The following SAMD5 variants were observed in gnomAD, a reference collection of about 807,000 sequenced individuals.
SAMD5 encodes the protein sterile alpha motif domain containing 5, also known as sterile alpha motif domain-containing protein 5.
SAMD5 carries 13 observed loss-of-function variants against 11.3 expected under a neutral mutation model. The ratio of observed to expected loss-of-function variants is 1.15; its 90% CI spans 0.75 to 1.83. The LOEUF (loss-of-function observed/expected upper bound fraction) is 1.83. Ranked by LOEUF, SAMD5 falls within the 40% of genes most tolerant of loss-of-function variation. SAMD5 has a pLI of 0.00. For missense variants in SAMD5, 255 were observed against 239.1 expected, an observed-to-expected ratio of 1.07 and a Z score of -0.44; for synonymous variants, 129 against 111.3, an observed-to-expected ratio of 1.16 and a Z score of -1.00.
Position 147,569,454 on chromosome 6 carries a change from G to T in SAMD5, c.*4998G>T, listed in dbSNP as rs996575382. The T allele has an allele frequency of 1.1e-6, 1 of 926,842 alleles. No individual in the cohort carries two copies. Among genetic ancestry groups the T allele is most frequent in the Non-Finnish European group, 1.3e-6 (1 of 776,882 alleles). 57.4% of individuals were successfully genotyped at this position (926,842 alleles called of 1,614,324 possible). On this transcript the variant is annotated 3_prime_UTR_variant, in exon 2 of 2. Transcript: ENST00000367474. ...CAAAATTTCTTCTACTGGACCAAAA[G>T]GAAATAAATCTACAATAAATCTACT...
At chr6:147,535,221 C>T (rs1454128988) in intron 1 of SAMD5, among the ~76,000 whole-genome samples, 4 of 152,156 alleles carry the variant, frequency 2.6e-5, no homozygotes, top group Non-Finnish European at 4.4e-5. Context: ...AGCGTGTAAC[C>T]GCTTTGTAAT....
chr6:147,672,881 C>A (rs988964866), intron 1 of SAMD5, among the ~76,000 whole-genome samples: 6 of 151,934 alleles, frequency 3.9e-5, no homozygotes, highest in Middle Eastern at 3.4e-3. Flanking sequence ...TATTTTAAAC[C>A]AAAAGCCACT....
At chr6:147,946,498 C>T in the SAMD5 span, among the ~76,000 whole-genome samples, 25 of 152,168 alleles carry the variant, frequency 1.6e-4, no homozygotes, top group Non-Finnish European at 3.2e-4. Context: ...TTCCTAGTCA[C>T]TTCCAGCTGT....
intron 1 of SAMD5, among the ~76,000 whole-genome samples, chr6:147,563,770 G>T (rs1267401652): frequency 3.3e-5 from 5 of 152,192 alleles, no homozygotes; most frequent in Non-Finnish European, 7.4e-5. Context: ...ATTCGACTAG[G>T]TTGCTGCTTT....
At chr6:147,794,878 C>T in the SAMD5 span, among the ~76,000 whole-genome samples, 31 of 151,424 alleles carry the variant, frequency 2.0e-4, no homozygotes, top group Non-Finnish European at 3.8e-4. Flanking sequence ...AAAGCTTTGA[C>T]GGCGGTGAAG....
the SAMD5 span, among the ~76,000 whole-genome samples, chr6:147,829,182 G>C: frequency 6.6e-6 from 1 of 152,180 alleles, no homozygotes; most frequent in Non-Finnish European, 1.5e-5. Flanking sequence ...ATTATTCTCA[G>C]CGTTCGAATA....
chr6:147,551,901 T>C (rs534090559), intron 1 of SAMD5, among the ~76,000 whole-genome samples: 1,914 of 129,040 alleles, frequency 0.015, 19 homozygotes, highest in Non-Finnish European at 0.023. Flanking sequence ...GAAAAACCAG[T>C]GTTTGGGTTT....
chr6:147,936,081 A>G, the SAMD5 span, among the ~76,000 whole-genome samples: 1 of 152,168 alleles, frequency 6.6e-6, no homozygotes, highest in African/African-American at 2.4e-5. Context: ...TTCAAGAGAG[A>G]GTAAAGTCAC....
chr6:147,754,567 G>A, the SAMD5 span, among the ~76,000 whole-genome samples: 2 of 151,868 alleles, frequency 1.3e-5, no homozygotes, highest in Non-Finnish European at 2.9e-5. Context: ...TGAACTTGAT[G>A]GGATCTTATT....
At chr6:147,743,853 AT>A in the SAMD5 span, among the ~76,000 whole-genome samples, 1 of 152,206 alleles carries the variant, frequency 6.6e-6, no homozygotes, top group Non-Finnish European at 1.5e-5. Flanking sequence ...CTGCCCAAAG[AT>A]TTGGGACTTA....
rs141038590 is a variant in SAMD5 at position 147,518,199 on chromosome 6, C to T, written c.459+8812C>T. Among the ~76,000 whole-genome samples the T allele has an allele frequency of 7.2e-5, 11 of 152,202 alleles. No homozygotes were observed. The South Asian group carries it at 1.0e-3, about 14-fold the overall frequency. On this transcript the variant is annotated intron_variant, in intron 1 of 1. Coordinates refer to ENST00000367474, the MANE Select transcript of SAMD5 (RefSeq NM_001030060.3). ...ATTAATCAGGATTTGGATAGTGTAA[C>T]GGTGTTTTTAGGGCTCTTCATTTGC...
chr6:147,650,207 G>A lies in SAMD5; in HGVS notation c.163-87110G>A, dbSNP rs187888835. Among the ~76,000 whole-genome samples the A allele has an allele frequency of 1.4e-4, 22 of 152,262 alleles. No homozygotes were observed. In the East Asian group the frequency reaches 3.9e-3, roughly 27 times the overall value. On this transcript the variant is annotated intron_variant, in intron 1 of 1. Transcript: ENST00000566741. ...TTAATAAAGTTAATAAAACACACAA[G>A]GGCCTACAGTTCAGCAGAAGATAAA... is the stretch of plus-strand genomic sequence containing the variant.
chr6:147,814,849 T>C, the SAMD5 span, among the ~76,000 whole-genome samples: 1 of 152,168 alleles, frequency 6.6e-6, no homozygotes, highest in Non-Finnish European at 1.5e-5. Flanking sequence ...GAGGGAAATG[T>C]AATTGGCAGG....
chr6:147,899,534 A>C, the SAMD5 span, among the ~76,000 whole-genome samples: 1 of 152,254 alleles, frequency 6.6e-6, no homozygotes, highest in Non-Finnish European at 1.5e-5. Context: ...TAGCAGAGCT[A>C]GGCTAGTATT....
intron 1 of SAMD5, among the ~76,000 whole-genome samples, chr6:147,519,340 AATT>A (rs1788217891): frequency 6.6e-6 from 1 of 152,200 alleles, no homozygotes; most frequent in South Asian, 2.1e-4. Context: ...AATACACAGT[AATT>A]ATTATTGTCC....
the SAMD5 span, among the ~76,000 whole-genome samples, chr6:147,909,214 A>T: frequency 1.3e-5 from 2 of 152,206 alleles, no homozygotes; most frequent in African/African-American, 4.8e-5. Flanking sequence ...ACAACAAAAA[A>T]ACTAGGCCTT....
intron 1 of SAMD5, among the ~76,000 whole-genome samples, chr6:147,602,725 C>G (rs561942177): frequency 6.6e-6 from 1 of 152,016 alleles, no homozygotes; most frequent in Non-Finnish European, 1.5e-5. Context: ...GCCTGGGAGA[C>G]AGTGTGAGAC....
At chr6:147,794,740 C>T in the SAMD5 span, among the ~76,000 whole-genome samples, 4 of 152,036 alleles carry the variant, frequency 2.6e-5, no homozygotes, top group African/African-American at 9.7e-5. Flanking sequence ...CACAGTAATA[C>T]GTAAAGAACA....
chr6:147,671,808 C>G (rs1356997865), intron 1 of SAMD5, among the ~76,000 whole-genome samples: 1 of 151,484 alleles, frequency 6.6e-6, no homozygotes, highest in Non-Finnish European at 1.5e-5. Context: ...TGCTCTAGTG[C>G]CACATTTTGA....
Sources: gnomAD v4.1 joint callset for allele counts (sites outside exome capture counted in the v4.1 genomes callset) on GRCh38, gnomAD v4.1.1 for gene constraint, MANE v1.5 for transcripts, NCBI Gene and HGNC (gene_info 2026-07-23, HGNC 2026-07-21) for gene names.